RAP1GAP: variants seen among roughly 807,000 people sequenced by gnomAD.
RAP1GAP encodes the protein RAP1 GTPase activating protein, also known as rap1 GTPase-activating protein 1.
A neutral mutation model predicts 87.2 loss-of-function variants in RAP1GAP; 35 were observed. The ratio of observed to expected loss-of-function variants is 0.40; its 90% confidence interval spans 0.31 to 0.53. The LOEUF (loss-of-function observed/expected upper bound fraction) is 0.53, where lower values mean the gene tolerates loss of function less well. Ranked by LOEUF, RAP1GAP falls within the 20% of genes least tolerant of loss-of-function variation. The probability of loss-of-function intolerance (pLI) is 0.48; values close to 1 mark genes in which losing one functional copy is unlikely to be tolerated. For synonymous variants in RAP1GAP, 375 were observed against 363.9 expected (o/e 1.03, Z -0.35); for missense variants, 734 against 898.9 (o/e 0.82, Z 2.35).
chr1:21,620,115 C>G (rs1421378173), intron 3 of RAP1GAP, 65 bp from the exon 4 acceptor site: 1 of 1,582,476 alleles, frequency 6.3e-7, no homozygotes, highest in Non-Finnish European at 8.7e-7. Flanking sequence ...AGTCTCCACC[C>G]GCCCCGGCCC....
chr1:21,637,111 C>T (rs1377265911), intron 2 of RAP1GAP, among the ~76,000 whole-genome samples: 2 of 149,556 alleles, frequency 1.3e-5, no homozygotes, highest in Non-Finnish European at 3.0e-5. Flanking sequence ...TGGAGGACCT[C>T]AAGGTGCCTC....
At chr1:21,597,754 C>A (rs781421644) in intron 23 of RAP1GAP, 26 bp from the exon 24 acceptor site, 1 of 1,613,216 alleles carries the variant, frequency 6.2e-7, no homozygotes, top group Non-Finnish European at 8.5e-7. Context: ...GGTGGTGAGG[C>A]AGGTGGCAAG....
chr1:21,636,970 G>A (rs939059375), intron 2 of RAP1GAP, among the ~76,000 whole-genome samples: 45 of 148,630 alleles, frequency 3.0e-4, no homozygotes, highest in African/African-American at 1.0e-3. Flanking sequence ...GGGAGGAAGG[G>A]AAAGCAACCT....
At chr1:21,645,845 C>T (rs898936661) in intron 2 of RAP1GAP, among the ~76,000 whole-genome samples, 2 of 152,276 alleles carry the variant, frequency 1.3e-5, no homozygotes, top group African/African-American at 4.8e-5. Context: ...CAGCAGCACA[C>T]AGGCCCCAGG....
chr1:21,640,059 C>A (rs1381972392), intron 2 of RAP1GAP, among the ~76,000 whole-genome samples: 1 of 138,928 alleles, frequency 7.2e-6, no homozygotes, highest in Admixed American at 7.0e-5. Flanking sequence ...CCCCGGCCCC[C>A]CTCCCACCCG....
chr1:21,636,683 T>C (rs2094720160), intron 2 of RAP1GAP, among the ~76,000 whole-genome samples: 1 of 151,948 alleles, frequency 6.6e-6, no homozygotes, highest in Non-Finnish European at 1.5e-5. Flanking sequence ...AGCGCACGCC[T>C]GTAATCCCAG....
In RAP1GAP at chr1:21,603,326, C is replaced by T; in HGVS notation, c.1429-413G>A. On this transcript the variant is annotated intron_variant, in intron 18 of 24. Coordinates refer to ENST00000374765, the MANE Select transcript of RAP1GAP (RefSeq NM_002885.4). The surrounding 1 kb of genome is among the most constrained non-coding windows in gnomAD (Gnocchi z 6.0). ...GCCAGCTAGGGCCCCTCCCCGGAAC[C>T]TCCAAATTGGCTGGGGGAGGTTCTG... 1 of 401,184 alleles carries T rather than the reference C, an allele frequency of 2.5e-6. No individual in the cohort carries two copies. The allele number at this position is 401,184 out of a possible 1,614,324, so 24.9% of individuals were successfully genotyped here. A position where few individuals can be genotyped will look rare whatever the true frequency, so the allele number is the denominator to read the frequency against.
Position 21,610,322 on chromosome 1 carries a change from A to G in RAP1GAP, c.844-47T>C, listed in dbSNP as rs201028561. 1.5e-4 allele frequency: 235 copies of G among 1,605,928 alleles called. 1 individual carries two copies. The Middle Eastern group carries it at 1.8e-3, about 12-fold the overall frequency. On this transcript the variant is annotated intron_variant, in intron 13 of 24. Transcript: ENST00000374765. Reference sequence around the variant, plus strand: ...TTCGTGGTCTGGCCAGAGGGGGCCCATGGGGGAGAGGGGTGCCCACGGGGG... The same window carrying G: ...TTCGTGGTCTGGCCAGAGGGGGCCCGTGGGGGAGAGGGGTGCCCACGGGGG...
At chr1:21,641,999 TCTCA>T (rs1208032558) in intron 2 of RAP1GAP, among the ~76,000 whole-genome samples, 1 of 152,148 alleles carries the variant, frequency 6.6e-6, no homozygotes, top group Admixed American at 6.5e-5. Flanking sequence ...CCTCACTGCC[TCTCA>T]CTCACCGTGA....
intron 3 of RAP1GAP, among the ~76,000 whole-genome samples, chr1:21,624,765 C>T (rs1003628391): frequency 3.9e-5 from 6 of 152,120 alleles, no homozygotes; most frequent in African/African-American, 9.7e-5. Flanking sequence ...CCAGGAAGCC[C>T]GAGGGGAGGC....
At chr1:21,660,353 T>TATATATATATATATATATAGA in intron 1 of RAP1GAP, among the ~76,000 whole-genome samples, 1 of 26,818 alleles carries the variant, frequency 3.7e-5, no homozygotes, top group Non-Finnish European at 8.4e-5. Flanking sequence ...ATATATTTAT[T>TATATATATATATATATATAGA]GAGACAGTCT....
intron 20 of RAP1GAP, among the ~76,000 whole-genome samples, chr1:21,601,399 G>C (rs949863530): frequency 1.3e-5 from 2 of 152,206 alleles, no homozygotes; most frequent in Non-Finnish European, 2.9e-5. Flanking sequence ...CTATCACCAT[G>C]ATCCGGCAAC....
chr1:21,600,023 A>G (rs1174564854), intron 20 of RAP1GAP, among the ~76,000 whole-genome samples: 2 of 152,092 alleles, frequency 1.3e-5, no homozygotes, highest in Non-Finnish European at 2.9e-5. Context: ...TATTATACCC[A>G]TCTTCCAGAT....
At chr1:21,607,599 T>C (rs1044203372) in intron 17 of RAP1GAP, among the ~76,000 whole-genome samples, 34 of 152,240 alleles carry the variant, frequency 2.2e-4, no homozygotes, top group African/African-American at 7.9e-4. Context: ...CTCTCTTCTC[T>C]TCCTGCTGAC....
rs577031720 is a variant in RAP1GAP at position 21,624,866 on chromosome 1, G to T, written c.-19+1438C>A. Among the ~76,000 whole-genome samples the T allele has an allele frequency of 9.9e-5, 15 of 152,102 alleles. No homozygotes were observed. The East Asian group carries it at 2.5e-3, about 26-fold the overall frequency. On this transcript the variant is annotated intron_variant, in intron 3 of 24. Coordinates refer to ENST00000374765, the MANE Select transcript of RAP1GAP (RefSeq NM_002885.4). The stretch of plus-strand genomic sequence containing the variant: ...CTGCTCTCTCTCTCTCTCGTCTCCT[G>T]ATGGGAAGACTGAGGCCCAGGGAGG...
At position 21,622,612 on chromosome 1, in the gene RAP1GAP, CGCGGGGCGGGGCGGG is replaced by C. The variant is rs530100303; in HGVS notation, c.-18-2577_-18-2563del. The C allele has an allele frequency of 1.4e-5, 2 of 146,206 alleles. No individual in the cohort carries two copies. The highest frequency in any genetic ancestry group is 4.1e-4 in the South Asian group (2 of 4,842). The allele number at this position is 146,206 out of a possible 1,614,324, so 9.1% of individuals were successfully genotyped here. Reference sequence around the variant, plus strand: ...GGGGCGCCAGGTACGGGCGGCACGGCGCGGGGCGGGGCGGGGCGGGGGCGCTGAAGCCACGCCCCC... The same window carrying C: ...GGGGCGCCAGGTACGGGCGGCACGGCGCGGGGGCGCTGAAGCCACGCCCCC... On this transcript the variant is annotated intron_variant, in intron 3 of 24. Coordinates refer to ENST00000374765, the MANE Select transcript of RAP1GAP (RefSeq NM_002885.4). The surrounding 1 kb of genome is among the most constrained non-coding windows in gnomAD (Gnocchi z 5.7).
Position 21,613,793 on chromosome 1 carries a change from G to T in RAP1GAP, c.396-87C>A. On this transcript the variant is annotated intron_variant, in intron 8 of 24. Transcript: ENST00000374765. The surrounding 1 kb of genome is among the most constrained non-coding windows in gnomAD (Gnocchi z 4.7). ...CCCCCCACAAAGTAAGGCCAGAAGG[G>T]GGTGGACCACAGCGAGGACCAGAGG... 2 of 1,360,650 alleles carry T rather than the reference G, an allele frequency of 1.5e-6. No individual in the cohort carries two copies. Among genetic ancestry groups the T allele is most frequent in the Admixed American group, 3.4e-5 (2 of 58,898 alleles). 84.3% of individuals were successfully genotyped at this position (1,360,650 alleles called of 1,614,324 possible). A position where few individuals can be genotyped will look rare whatever the true frequency, so the allele number is the denominator to read the frequency against.
Position 21,613,609 on chromosome 1 carries a change from A to C in RAP1GAP, c.474+19T>G. 6.2e-7 allele frequency: 1 copy of C among 1,601,350 alleles called. No individual in the cohort carries two copies. Among genetic ancestry groups the C allele is most frequent in the Non-Finnish European group, 8.6e-7 (1 of 1,168,502 alleles). ...TCTGCGGAGCCAGCCCGGGAAGCTC[A>C]GCGGAGCGGAGACCTCACCTTTGCC... is the stretch of plus-strand genomic sequence containing the variant. On this transcript the variant is annotated intron_variant, in intron 9 of 24. Transcript: ENST00000374765. This position sits in a 1 kb window ranked among gnomAD's most constrained non-coding sequence, Gnocchi z 4.7.
Position 21,613,861 on chromosome 1 carries a change from C to T in RAP1GAP, c.395+125G>A, listed in dbSNP as rs2080120243. On this transcript the variant is annotated intron_variant, in intron 8 of 24. Transcript: ENST00000374765. The surrounding 1 kb of genome is among the most constrained non-coding windows in gnomAD (Gnocchi z 4.7). Reference sequence around the variant, plus strand: ...CTGACTCGGGTACTAACTTGCTGTGCAACCTCAAGCAAATCCCTGCCCCTC... The same window carrying T: ...CTGACTCGGGTACTAACTTGCTGTGTAACCTCAAGCAAATCCCTGCCCCTC... 3 of 1,134,002 alleles carry T rather than the reference C, an allele frequency of 2.6e-6. No homozygotes were observed. The East Asian group carries it at 7.5e-5, about 28-fold the overall frequency. 70.2% of individuals were successfully genotyped at this position (1,134,002 alleles called of 1,614,324 possible).
Sources: gnomAD v4.1 joint callset for allele counts (sites outside exome capture counted in the v4.1 genomes callset) on GRCh38, gnomAD v4.1.1 for gene constraint, Gnocchi (gnomAD v3.1) non-coding constraint, MANE v1.5 for transcripts, NCBI Gene and HGNC (gene_info 2026-07-23, HGNC 2026-07-21) for gene names.